The following PTPRD variants were observed in gnomAD, a reference collection of about 807,000 sequenced individuals.
PTPRD encodes protein tyrosine phosphatase receptor type D.
A neutral mutation model predicts 214.5 loss-of-function variants in PTPRD; 34 were observed. That is an observed-to-expected ratio of 0.16 (90% CI 0.12 to 0.21). PTPRD has a LOEUF of 0.21. PTPRD is among the 10% of genes least tolerant of loss of function. The pLI is 1.00. For synonymous variants in PTPRD, 1,128 were observed against 845.7 expected (o/e 1.33, Z -5.79); for missense variants, 2,545 against 2,398.7 (o/e 1.06, Z -1.27).
At chr9:8,830,141 A>T (rs959286885) in intron 11 of PTPRD, among the ~76,000 whole-genome samples, 2 of 152,138 alleles carry the variant, frequency 1.3e-5, no homozygotes, top group African/African-American at 4.8e-5. Context: ...TACTGTTATT[A>T]TGTTCATTTT....
intron 3 of PTPRD, among the ~76,000 whole-genome samples, chr9:10,092,877 G>A (rs1023668429): frequency 4.0e-5 from 6 of 151,612 alleles, no homozygotes; most frequent in African/African-American, 1.5e-4. Flanking sequence ...AATTAATGGT[G>A]CTGGGATAAC....
chr9:10,268,222 G>C (rs1595765898), intron 3 of PTPRD, among the ~76,000 whole-genome samples: 1 of 149,882 alleles, frequency 6.7e-6, no homozygotes, highest in Non-Finnish European at 1.5e-5. Context: ...CCCAGGAGTT[G>C]CAGGCTGCAG....
chr9:9,430,713 C>A (rs1475165111), intron 8 of PTPRD, among the ~76,000 whole-genome samples: 4 of 152,072 alleles, frequency 2.6e-5, no homozygotes, highest in Admixed American at 1.3e-4. Flanking sequence ...AGATACAGAC[C>A]AATGGAACAG....
At chr9:10,248,766 T>C (rs1206604284) in intron 3 of PTPRD, among the ~76,000 whole-genome samples, 1 of 152,088 alleles carries the variant, frequency 6.6e-6, no homozygotes, top group Non-Finnish European at 1.5e-5. Context: ...TGAGAAATTG[T>C]TTGGAAGAGT....
intron 11 of PTPRD, among the ~76,000 whole-genome samples, chr9:8,821,731 T>C (rs2097069567): frequency 6.6e-6 from 1 of 152,174 alleles, no homozygotes; most frequent in South Asian, 2.1e-4. Context: ...AGTGGCACAA[T>C]CTCGGCTCAC....
At chr9:9,614,268 T>C (rs866231113) in intron 7 of PTPRD, among the ~76,000 whole-genome samples, 3 of 152,244 alleles carry the variant, frequency 2.0e-5, no homozygotes, top group Middle Eastern at 3.4e-3. Context: ...TCAAATACCA[T>C]GTCACTTTGC....
At chr9:9,146,667 T>C (rs2099869093) in intron 10 of PTPRD, among the ~76,000 whole-genome samples, 1 of 152,158 alleles carries the variant, frequency 6.6e-6, no homozygotes, top group African/African-American at 2.4e-5. Context: ...TCCAAAAATA[T>C]TTGATTATTT....
chr9:8,599,767 G>A (rs1057260427), intron 14 of PTPRD, among the ~76,000 whole-genome samples: 20 of 151,828 alleles, frequency 1.3e-4, no homozygotes, highest in African/African-American at 3.1e-4. Flanking sequence ...ACAGGCGTGC[G>A]CCACCACGCC....
chr9:9,054,907 A>G (rs1190633612), intron 10 of PTPRD, among the ~76,000 whole-genome samples: 1 of 152,186 alleles, frequency 6.6e-6, no homozygotes, highest in Non-Finnish European at 1.5e-5. Flanking sequence ...AAATGTCCTG[A>G]GAGAGCTAAT....
Position 9,202,619 on chromosome 9 carries a change from A to G in PTPRD, c.-202-19256T>C, listed in dbSNP as rs576637729. Among the ~76,000 whole-genome samples, 3 of 152,260 alleles carry G rather than the reference A, an allele frequency of 2.0e-5. No individual in the cohort carries two copies. In the East Asian group the frequency reaches 5.8e-4, roughly 30 times the overall value. ...GGGATGGGGGGTGTAGTGGTACATT[A>G]TTAGTTGTTGCCTTGAAACTTCTGT... On this transcript the variant is annotated intron_variant, in intron 9 of 45. Transcript: ENST00000381196.
chr9:9,874,503 C>A (rs529474526), intron 5 of PTPRD, among the ~76,000 whole-genome samples: 1 of 152,060 alleles, frequency 6.6e-6, no homozygotes, highest in East Asian at 1.9e-4. Context: ...TAAATGTAAG[C>A]GTGCCTTTCA....
At chr9:8,420,010 G>A (rs1176330649) in intron 35 of PTPRD, among the ~76,000 whole-genome samples, 1 of 152,078 alleles carries the variant, frequency 6.6e-6, no homozygotes, top group Non-Finnish European at 1.5e-5. Context: ...TGTATTGAGT[G>A]TCAGAAAAAG....
At chr9:10,334,430 C>T (rs150397327) in intron 3 of PTPRD, among the ~76,000 whole-genome samples, 326 of 151,480 alleles carry the variant, frequency 2.2e-3, no homozygotes, top group East Asian at 6.9e-3. Context: ...ATCCCACCCC[C>T]CACCACCAAA....
At chr9:9,444,139 T>G (rs2089475634) in intron 8 of PTPRD, among the ~76,000 whole-genome samples, 1 of 152,200 alleles carries the variant, frequency 6.6e-6, no homozygotes, top group African/African-American at 2.4e-5. Context: ...TTGCTGTTGA[T>G]TTATACTGTG....
chr9:8,330,572 AGAAAG>A (rs1839303695), intron 44 of PTPRD, among the ~76,000 whole-genome samples: 1 of 152,020 alleles, frequency 6.6e-6, no homozygotes, highest in Admixed American at 6.6e-5. Flanking sequence ...AATAGAAAGT[AGAAAG>A]CAAATGTACA....
chr9:9,763,458 A>AAG (rs2098678794), intron 6 of PTPRD, among the ~76,000 whole-genome samples: 1 of 151,956 alleles, frequency 6.6e-6, no homozygotes, highest in Non-Finnish European at 1.5e-5. Context: ...TGTTTTTAAG[A>AAG]ACAGTCTTCT....
chr9:9,998,226 A>C (rs1208977868), intron 4 of PTPRD, among the ~76,000 whole-genome samples: 1 of 150,554 alleles, frequency 6.6e-6, no homozygotes. Flanking sequence ...AGACCACTGG[A>C]GACAGAACTG....
intron 3 of PTPRD, among the ~76,000 whole-genome samples, chr9:10,325,421 C>G (rs577480386): frequency 7.8e-4 from 118 of 152,058 alleles, no homozygotes; most frequent in African/African-American, 2.7e-3. Context: ...CACACTACTA[C>G]AAACTATTTT....
chr9:8,593,326 T>A (rs2094251585), intron 14 of PTPRD, among the ~76,000 whole-genome samples: 1 of 152,196 alleles, frequency 6.6e-6, no homozygotes, highest in Non-Finnish European at 1.5e-5. Flanking sequence ...ATCTATGGTC[T>A]CCCTGGACCA....
Sources: allele counts gnomAD v4.1 joint callset (sites outside exome capture counted in the v4.1 genomes callset), GRCh38; gene constraint gnomAD v4.1.1; transcripts MANE v1.5; gene names NCBI Gene and HGNC (gene_info 2026-07-23, HGNC 2026-07-21).